Variants in CCL28 observed in about 807,000 individuals in gnomAD.
CCL28 encodes the protein C-C motif chemokine 28.
A neutral mutation model predicts 7.1 loss-of-function variants in CCL28; 4 were observed. The ratio of observed to expected loss-of-function variants is 0.56; its 90% CI spans 0.28 to 1.29. CCL28 has a LOEUF of 1.29. Among genes scored for constraint, CCL28 ranks in the 50% most tolerant of loss-of-function variants. CCL28 has a pLI of 0.11. For missense variants in CCL28, 151 were observed against 163.4 expected (o/e 0.92, Z 0.41); for synonymous variants, 55 against 57.8 (o/e 0.95, Z 0.22).
rs183434141 is a variant in CCL28 at position 43,400,069 on chromosome 5, C to T, written c.65-11593G>A. 5.3e-5 allele frequency among the ~76,000 whole-genome samples: 8 copies of T among 152,210 alleles called. No individual in the cohort carries two copies. In the East Asian group the frequency reaches 1.5e-3, roughly 29 times the overall value. On this transcript the variant is annotated intron_variant, in intron 1 of 2. Transcript: ENST00000361115. ...GTATGTTACCCAGGCTGGTCTCAAA[C>T]TCCTAGCCTCAAGCAATCCTCCCAC...
At chr5:43,374,077 G>A (rs1739837920), downstream of CCL28, among the ~76,000 whole-genome samples, 1 of 152,298 alleles carries the variant, frequency 6.6e-6, no homozygotes, top group Admixed American at 6.5e-5. Context: ...GTAGAAGTTG[G>A]TCATCTCAAG....
chr5:43,372,997 C>A (rs1043688735), downstream of CCL28, among the ~76,000 whole-genome samples: 1 of 151,654 alleles, frequency 6.6e-6, no homozygotes, highest in Non-Finnish European at 1.5e-5. Context: ...GATGGGGTTT[C>A]GCCATGTTGG....
chr5:43,399,849 CTTT>C (rs796272225), intron 1 of CCL28, among the ~76,000 whole-genome samples: 2 of 138,988 alleles, frequency 1.4e-5, no homozygotes, highest in Admixed American at 7.2e-5. Flanking sequence ...TATTTCTTTT[CTTT>C]TTTTTTTTTT....
the CCL28 span, among the ~76,000 whole-genome samples, chr5:43,370,895 C>G: frequency 3.4e-4 from 51 of 152,162 alleles, no homozygotes; most frequent in African/African-American, 1.2e-3. Context: ...GCACCCACCA[C>G]CATGACCAGC....
chr5:43,403,015 G>A (rs1254818453), intron 1 of CCL28, among the ~76,000 whole-genome samples: 1 of 152,190 alleles, frequency 6.6e-6, no homozygotes, highest in Non-Finnish European at 1.5e-5. Flanking sequence ...TGGCCAGGAA[G>A]CTCGAACTGG....
chr5:43,377,681 C>T (rs1275053170), downstream of CCL28, among the ~76,000 whole-genome samples: 1 of 116,080 alleles, frequency 8.6e-6, no homozygotes, highest in Non-Finnish European at 1.7e-5. Context: ...TTAAGCGTTT[C>T]ATTTGAAATC....
At chr5:43,377,957 CT>C, downstream of CCL28, among the ~76,000 whole-genome samples, 1 of 135,346 alleles carries the variant, frequency 7.4e-6, no homozygotes, top group East Asian at 2.0e-4. Context: ...TGGTCTCGAT[CT>C]CCTGACCTCG....
chr5:43,376,035 CA>C (rs1739882611), downstream of CCL28, among the ~76,000 whole-genome samples: 1 of 152,136 alleles, frequency 6.6e-6, no homozygotes, highest in Admixed American at 6.5e-5. Context: ...AACTCTGTCT[CA>C]AAAAATTGAA....
At chr5:43,409,103 CTCTATCTCTACAAGAA>C (rs1741428244) in intron 1 of CCL28, among the ~76,000 whole-genome samples, 1 of 152,110 alleles carries the variant, frequency 6.6e-6, no homozygotes, top group Admixed American at 6.5e-5. Context: ...CATAGTGAGA[CTCTATCTCTACAAGAA>C]AAATTTTTTT....
chr5:43,382,584 T>C (rs1470164155), intron 2 of CCL28, among the ~76,000 whole-genome samples: 1 of 152,218 alleles, frequency 6.6e-6, no homozygotes, highest in African/African-American at 2.4e-5. Flanking sequence ...CTGTCTTTTA[T>C]CTGAGTACTT....
the CCL28 span, among the ~76,000 whole-genome samples, chr5:43,358,017 T>C: frequency 6.6e-6 from 1 of 152,206 alleles, no homozygotes; most frequent in East Asian, 1.9e-4. Flanking sequence ...TTGCTGCTTT[T>C]AGAGGCACAG....
At chr5:43,395,855 C>CTTGTTT in intron 1 of CCL28, among the ~76,000 whole-genome samples, 1 of 94,248 alleles carries the variant, frequency 1.1e-5, no homozygotes, top group East Asian at 3.4e-4. Flanking sequence ...TACCCCCCGC[C>CTTGTTT]TTTTTTTTTT....
the CCL28 span, among the ~76,000 whole-genome samples, chr5:43,370,241 C>T: frequency 6.6e-6 from 1 of 152,172 alleles, no homozygotes; most frequent in Non-Finnish European, 1.5e-5. Flanking sequence ...AGTTAGACGG[C>T]AATATATAAT....
chr5:43,396,641 T>TG (rs1414955422), intron 1 of CCL28, among the ~76,000 whole-genome samples: 1 of 152,144 alleles, frequency 6.6e-6, no homozygotes, highest in Non-Finnish European at 1.5e-5. Context: ...TTATAATGGG[T>TG]GGGGTACAGT....
At chr5:43,387,426 T>G (rs1740384993) in intron 2 of CCL28, among the ~76,000 whole-genome samples, 1 of 152,188 alleles carries the variant, frequency 6.6e-6, no homozygotes, top group East Asian at 1.9e-4. Flanking sequence ...ATAGAAATGT[T>G]AAGTACATAT....
chr5:43,369,045 AGAGAGAGAG>A, the CCL28 span, among the ~76,000 whole-genome samples: 2 of 22,484 alleles, frequency 8.9e-5, no homozygotes, highest in Non-Finnish European at 1.6e-4. Context: ...AAAGAGAGAG[AGAGAGAGAG>A]AGAGAGAGAG....
intron 1 of CCL28, among the ~76,000 whole-genome samples, chr5:43,395,855 CT>C (rs35785846): frequency 5.8e-3 from 547 of 94,258 alleles, no homozygotes; most frequent in East Asian, 0.04. Flanking sequence ...TACCCCCCGC[CT>C]TTTTTTTTTT....
At chr5:43,411,828 G>A (rs1371827522) in intron 1 of CCL28, among the ~76,000 whole-genome samples, 1 of 152,208 alleles carries the variant, frequency 6.6e-6, no homozygotes, top group African/African-American at 2.4e-5. Context: ...TAATTTGAAC[G>A]CAGCTGGCCA....
chr5:43,377,717 CTTTTTTTTTTTTTTTT>C (rs767834184), downstream of CCL28, among the ~76,000 whole-genome samples: 26 of 42,714 alleles, frequency 6.1e-4, 1 homozygote, highest in Admixed American at 3.1e-3. Flanking sequence ...AGAACTTAAA[CTTTTTTTTTTTTTTTT>C]TTTTTTTTTT....
Sources: allele counts gnomAD v4.1 joint callset (sites outside exome capture counted in the v4.1 genomes callset), GRCh38; gene constraint gnomAD v4.1.1; transcripts MANE v1.5; gene names NCBI Gene and HGNC (gene_info 2026-07-23, HGNC 2026-07-21).